NEIL2: variants seen among roughly 807,000 people sequenced by gnomAD.
The protein encoded by NEIL2 is endonuclease 8-like 2.
A neutral mutation model predicts 22.2 loss-of-function variants in NEIL2; 23 were observed. That is an observed-to-expected ratio of 1.04 (90% CI 0.75 to 1.47). NEIL2 has a LOEUF of 1.47. Ranked by LOEUF, NEIL2 falls within the 40% of genes most tolerant of loss-of-function variation. The pLI, the probability that NEIL2 is intolerant of heterozygous loss-of-function variation, is 0.00. For synonymous variants in NEIL2, 229 were observed against 164.8 expected, an observed-to-expected ratio of 1.39 and a Z score of -2.99; for missense variants, 583 against 404.7, an observed-to-expected ratio of 1.44 and a Z score of -3.78.
chr8:11,775,948 C>T (rs891214169), intron 2 of NEIL2, among the ~76,000 whole-genome samples: 6 of 152,214 alleles, frequency 3.9e-5, no homozygotes, highest in Non-Finnish European at 8.8e-5. Flanking sequence ...TCTTCTGAGC[C>T]CTCCAGACTG....
intron 4 of NEIL2, among the ~76,000 whole-genome samples, 171 bp downstream of exon 4, chr8:11,783,570 T>C (rs939404608): frequency 6.6e-6 from 1 of 152,226 alleles, no homozygotes; most frequent in African/African-American, 2.4e-5. Context: ...ACTGAGGGCA[T>C]TAGATCAGGC....
intron 4 of NEIL2, among the ~76,000 whole-genome samples, chr8:11,784,559 A>G (rs1395316032): frequency 6.6e-6 from 1 of 152,140 alleles, no homozygotes; most frequent in Non-Finnish European, 1.5e-5. Context: ...AAACAGCAGG[A>G]ATTTCCTTCA....
At chr8:11,782,908 TGTG>T (rs1291535905) in intron 3 of NEIL2, 22 of 453,886 alleles carry the variant, frequency 4.8e-5, no homozygotes, top group Non-Finnish European at 8.7e-5. Flanking sequence ...GTGGTAACGA[TGTG>T]GGGATGTGTG....
intron 2 of NEIL2, among the ~76,000 whole-genome samples, chr8:11,773,091 C>A (rs1303522772): frequency 6.6e-6 from 1 of 152,136 alleles, no homozygotes; most frequent in Non-Finnish European, 1.5e-5. Flanking sequence ...GCACGGGGTC[C>A]CATGGCCTCC....
rs1803443755 is a variant in NEIL2, at chr8:11,771,577, G to C, written c.130G>C (p.Asp44His). ...CAGCCTGCAGTCTCTGTGGCTCCAG[G>C]ACACCCAGGTGAGGTAATACTCCTC... ...PASLQSLWLQ[D>H]TQVHGKKLFL... Residue 44 changes from aspartate to histidine, a missense_variant, in exon 2 of 5, where the codon GAC becomes CAC. By Grantham distance (81) the Asp-to-His change is moderately conservative (BLOSUM62 -1). Coordinates refer to ENST00000284503, the MANE Select transcript of NEIL2 (RefSeq NM_145043.4). The C allele has an allele frequency of 3.7e-6, 6 of 1,613,880 alleles. No individual in the cohort carries two copies. The highest frequency in any genetic ancestry group is 5.1e-6 in the Non-Finnish European group (6 of 1,179,930).
chr8:11,775,490 G>T (rs1803834927), intron 2 of NEIL2, among the ~76,000 whole-genome samples: 1 of 152,208 alleles, frequency 6.6e-6, no homozygotes, highest in Admixed American at 6.5e-5. Flanking sequence ...TGCTGTGAAG[G>T]TCTCTGACAT....
At chr8:11,771,815 G>C (rs1015966213) in intron 2 of NEIL2, among the ~76,000 whole-genome samples, 6 of 152,198 alleles carry the variant, frequency 3.9e-5, no homozygotes, top group African/African-American at 1.4e-4. Flanking sequence ...CCGATTCAGA[G>C]GGTCTGGAGT....
At chr8:11,778,870 T>G (rs561429350) in intron 2 of NEIL2, among the ~76,000 whole-genome samples, 4 of 129,794 alleles carry the variant, frequency 3.1e-5, no homozygotes, top group African/African-American at 2.9e-5. Context: ...GAGAATCACT[T>G]GAACCCAGGA....
rs1358035602 is a variant in NEIL2 at position 11,770,170 on chromosome 8, C to G, written c.-168C>G. On this transcript the variant is annotated 5_prime_UTR_variant, in exon 1 of 5. Transcript: ENST00000284503. ...GAAGTCCCTTCCGCGTCTCATCTTT[C>G]AAGGCTGTTGCAGAGGCGGCTTGCT... The G allele has an allele frequency of 6.6e-6, 1 of 151,996 alleles. No individual in the cohort carries two copies. Among genetic ancestry groups the G allele is most frequent in the African/African-American group, 2.4e-5 (1 of 41,262 alleles). 9.4% of individuals were successfully genotyped at this position (151,996 alleles called of 1,614,324 possible).
At chr8:11,777,134 C>T (rs776297396) in intron 2 of NEIL2, among the ~76,000 whole-genome samples, 2 of 151,896 alleles carry the variant, frequency 1.3e-5, no homozygotes, top group African/African-American at 4.8e-5. Flanking sequence ...CCGTGTGCTA[C>T]GTCTGCTTCT....
At chr8:11,770,914 C>T (rs1803379859) in intron 1 of NEIL2, among the ~76,000 whole-genome samples, 1 of 152,176 alleles carries the variant, frequency 6.6e-6, no homozygotes, top group South Asian at 2.1e-4. Context: ...ATTCTGAGCT[C>T]TGTCTGCGTG....
At chr8:11,773,721 G>A (rs1237275264) in intron 2 of NEIL2, among the ~76,000 whole-genome samples, 3 of 152,154 alleles carry the variant, frequency 2.0e-5, no homozygotes, top group Non-Finnish European at 4.4e-5. Flanking sequence ...GAGGGAGCTT[G>A]GCTGCACTCT....
In NEIL2 at chr8:11,786,289, C is replaced by T; in HGVS notation, c.*16C>T. On this transcript the variant is annotated 3_prime_UTR_variant, in exon 5 of 5. Transcript: ENST00000284503. ...GTTCTCCTAAGGAGCTGGTGGTGCTCCTCACGGAACCTTGCCGCTTGGGGA... is the reference window on the plus strand; with the variant it reads ...GTTCTCCTAAGGAGCTGGTGGTGCTTCTCACGGAACCTTGCCGCTTGGGGA... 6.3e-7 allele frequency: 1 copy of T among 1,599,836 alleles called. No homozygotes were observed. Among genetic ancestry groups the T allele is most frequent in the Non-Finnish European group, 8.5e-7 (1 of 1,175,718 alleles).
In NEIL2 at chr8:11,786,054, G is replaced by C. The variant is rs765944286; in HGVS notation, c.780G>C (p.Leu260=). 3 of 1,614,060 alleles carry C rather than the reference G, an allele frequency of 1.9e-6. No individual in the cohort carries two copies. The highest frequency in any genetic ancestry group is 2.2e-5 in the East Asian group (1 of 44,902). ...SVLSASRREV[L]VDHVVEFSTA... Reference sequence around the variant, plus strand: ...TGAGTGCCTCGCGTCGGGAGGTCCTGGTGGATCACGTGGTGGAGTTCAGTA... The same window carrying C: ...TGAGTGCCTCGCGTCGGGAGGTCCTCGTGGATCACGTGGTGGAGTTCAGTA... The change falls in exon 5 of 5, where the codon CTG becomes CTC. Residue 260 remains leucine (L), a synonymous_variant. Transcript: ENST00000284503.
chr8:11,775,587 C>A (rs1803843196), intron 2 of NEIL2, among the ~76,000 whole-genome samples: 1 of 152,202 alleles, frequency 6.6e-6, no homozygotes, highest in South Asian at 2.1e-4. Context: ...GCTTGAATTT[C>A]TCCCCAGAAA....
Position 11,781,303 on chromosome 8 carries a change from G to A in NEIL2, c.491+1353G>A, listed in dbSNP as rs188708399. On this transcript the variant is annotated intron_variant, in intron 3 of 4. Transcript: ENST00000284503. ...AAGGAGGGTGGGCTTTGGGGCTGCC[G>A]TTCCAAGGTTCTGGCTTCCTGTTTT... 1.2e-3 allele frequency among the ~76,000 whole-genome samples: 185 copies of A among 152,280 alleles called. 1 individual carries two copies. Among genetic ancestry groups the A allele is most frequent in the Middle Eastern group, 3.4e-3 (1 of 294 alleles).
intron 4 of NEIL2, among the ~76,000 whole-genome samples, 178 bp downstream of exon 4, chr8:11,783,577 A>T (rs1184123579): frequency 6.6e-6 from 1 of 152,218 alleles, no homozygotes; most frequent in African/African-American, 2.4e-5. Flanking sequence ...GCATTAGATC[A>T]GGCAGTTTTT....
chr8:11,772,239 T>C (rs1160275941), intron 2 of NEIL2, among the ~76,000 whole-genome samples: 1 of 152,172 alleles, frequency 6.6e-6, no homozygotes, highest in Admixed American at 6.5e-5. Flanking sequence ...CCTTCAGATC[T>C]AGGTTCAAAC....
intron 2 of NEIL2, among the ~76,000 whole-genome samples, chr8:11,772,762 C>T (rs1803579286): frequency 6.6e-6 from 1 of 152,200 alleles, no homozygotes; most frequent in African/African-American, 2.4e-5. Context: ...TAGCCGTGTG[C>T]TCTTAAGCAT....
Sources: allele counts gnomAD v4.1 joint callset (sites outside exome capture counted in the v4.1 genomes callset), GRCh38; gene constraint gnomAD v4.1.1; transcripts MANE v1.5; gene names NCBI Gene and HGNC (gene_info 2026-07-23, HGNC 2026-07-21).